MYO3A: variants seen among roughly 807,000 people sequenced by gnomAD.
MYO3A encodes the protein myosin IIIA.
A neutral mutation model predicts 192.7 loss-of-function variants in MYO3A; 180 were observed. That is an observed-to-expected ratio of 0.93 (90% CI 0.83 to 1.06). MYO3A has a LOEUF of 1.06. Among genes scored for constraint, MYO3A ranks in the 50% least tolerant of loss-of-function variants. The probability of loss-of-function intolerance (pLI) is 0.00; values close to 1 mark genes in which losing one functional copy is unlikely to be tolerated. For missense variants in MYO3A, 1,896 were observed against 1,905.0 expected (o/e 1.00, Z 0.09); for synonymous variants, 628 against 645.3 (o/e 0.97, Z 0.41).
intron 2 of MYO3A, among the ~76,000 whole-genome samples, chr10:25,937,874 G>T (rs1191770288): frequency 2.0e-5 from 3 of 152,180 alleles, no homozygotes; most frequent in Non-Finnish European, 4.4e-5. Flanking sequence ...ACTGGACAAG[G>T]TCTGTTTTAA....
intron 14 of MYO3A, among the ~76,000 whole-genome samples, chr10:26,073,575 A>G (rs1171907431): frequency 2.3e-5 from 1 of 43,474 alleles, no homozygotes; most frequent in Non-Finnish European, 7.3e-5. Context: ...CCTGGGCAAC[A>G]GTGCAAGATT....
At chr10:26,161,138 T>G (rs1841468756) in intron 26 of MYO3A, among the ~76,000 whole-genome samples, 1 of 152,200 alleles carries the variant, frequency 6.6e-6, no homozygotes, top group Non-Finnish European at 1.5e-5. Flanking sequence ...GCTAAACCTT[T>G]TCTGTGTCAC....
At chr10:26,023,606 C>T (rs1266288995) in intron 8 of MYO3A, 1 of 216,332 alleles carries the variant, frequency 4.6e-6, no homozygotes, top group South Asian at 7.8e-5. Context: ...GACTCCCTGG[C>T]ACACCTTCCT....
At chr10:26,023,249 T>C (rs989302376) in intron 8 of MYO3A, 3 of 152,248 alleles carry the variant, frequency 2.0e-5, no homozygotes, top group Middle Eastern at 3.2e-3. Context: ...TAAGGAGTAA[T>C]GCAGAACTGA....
In MYO3A at chr10:26,024,028, A is replaced by AC; in HGVS notation, c.743dup (p.Leu250ThrfsTer5). ...TTGATTCTTATTTTTCTAGGAATCC[A>AC]CCCCCAAAACTAAGGCAGCCTGAGC... On this transcript the variant is annotated frameshift_variant, in exon 9 of 35. Coordinates refer to ENST00000642920, the MANE Select transcript of MYO3A (RefSeq NM_017433.5). LOFTEE classifies it high-confidence loss of function. 1 of 1,612,746 alleles carries AC rather than the reference A, an allele frequency of 6.2e-7. No homozygotes were observed.
intron 17 of MYO3A, among the ~76,000 whole-genome samples, chr10:26,110,488 C>A (rs922226135): frequency 6.6e-6 from 1 of 152,076 alleles, no homozygotes; most frequent in Non-Finnish European, 1.5e-5. Context: ...AATCTCATTC[C>A]CCCATCTCCC....
chr10:26,165,337 A>G (rs1397031682), intron 26 of MYO3A, among the ~76,000 whole-genome samples: 1 of 152,210 alleles, frequency 6.6e-6, no homozygotes, highest in African/African-American at 2.4e-5. Context: ...TCTTGCACCA[A>G]TAAATTAAAA....
In MYO3A at chr10:26,150,420, T is replaced by C. The variant is rs368492615; in HGVS notation, c.2635+2861T>C. 2.0e-5 allele frequency among the ~76,000 whole-genome samples: 3 copies of C among 152,320 alleles called. No individual in the cohort carries two copies. In the East Asian group the frequency reaches 5.8e-4, roughly 29 times the overall value. On this transcript the variant is annotated intron_variant, in intron 23 of 34. Transcript: ENST00000642920. Reference sequence around the variant, plus strand: ...GAATGAGTATTATTTCTTCCTAAGTTGCTTTGTAGAATTCACCAATGAAGC... The same window carrying C: ...GAATGAGTATTATTTCTTCCTAAGTCGCTTTGTAGAATTCACCAATGAAGC...
chr10:25,976,291 G>T (rs908178449), intron 4 of MYO3A, among the ~76,000 whole-genome samples: 3 of 152,144 alleles, frequency 2.0e-5, no homozygotes, highest in African/African-American at 7.2e-5. Flanking sequence ...CATGAATATT[G>T]ATAGCACTTT....
chr10:25,992,950 G>A (rs140476332), intron 4 of MYO3A, among the ~76,000 whole-genome samples: 2,761 of 152,244 alleles, frequency 0.018, 94 homozygotes, highest in African/African-American at 0.063. Flanking sequence ...GTTCATCAGG[G>A]ATATTGGTCT....
chr10:26,054,107 G>A (rs1268337899), intron 10 of MYO3A, among the ~76,000 whole-genome samples: 1 of 151,892 alleles, frequency 6.6e-6, no homozygotes, highest in Admixed American at 6.6e-5. Flanking sequence ...GCAATGGGGT[G>A]GGTGTGGGAT....
intron 4 of MYO3A, among the ~76,000 whole-genome samples, chr10:25,980,676 C>T (rs538008427): frequency 2.0e-5 from 3 of 152,000 alleles, no homozygotes; most frequent in Non-Finnish European, 4.4e-5. Flanking sequence ...TATTTCAGGT[C>T]CTTTTTGTAT....
intron 6 of MYO3A, among the ~76,000 whole-genome samples, chr10:26,014,161 C>A: frequency 6.6e-6 from 1 of 151,988 alleles, no homozygotes; most frequent in Non-Finnish European, 1.5e-5. Context: ...AAAAAAACTA[C>A]CTCTTAGGTA....
At chr10:26,035,734 A>G (rs576993019) in intron 10 of MYO3A, among the ~76,000 whole-genome samples, 1 of 152,176 alleles carries the variant, frequency 6.6e-6, no homozygotes, top group African/African-American at 2.4e-5. Flanking sequence ...CTCTTTTACT[A>G]ATTTCTCTTT....
intron 17 of MYO3A, among the ~76,000 whole-genome samples, chr10:26,098,220 G>T (rs192795559): frequency 6.6e-6 from 1 of 152,170 alleles, no homozygotes; most frequent in Non-Finnish European, 1.5e-5. Context: ...GTCTTGAGAA[G>T]TGTCTGTTCA....
At chr10:26,209,690 T>G (rs1844132884) in intron 34 of MYO3A, among the ~76,000 whole-genome samples, 1 of 152,226 alleles carries the variant, frequency 6.6e-6, no homozygotes, top group Non-Finnish European at 1.5e-5. Context: ...GGCTGCTCTT[T>G]CTCATTCTCC....
chr10:25,939,268 CT>C (rs1457309579), intron 2 of MYO3A, among the ~76,000 whole-genome samples: 3 of 151,790 alleles, frequency 2.0e-5, no homozygotes, highest in African/African-American at 7.2e-5. Context: ...CTTGATCAAT[CT>C]TGACAAGGAT....
At chr10:26,140,511 C>G (rs1050252144) in intron 20 of MYO3A, among the ~76,000 whole-genome samples, 2 of 151,996 alleles carry the variant, frequency 1.3e-5, no homozygotes, top group Non-Finnish European at 2.9e-5. Flanking sequence ...TGGTGAAACC[C>G]CGTCTCTACT....
chr10:25,982,363 T>C (rs1271018101), intron 4 of MYO3A, among the ~76,000 whole-genome samples: 3 of 152,166 alleles, frequency 2.0e-5, no homozygotes, highest in Non-Finnish European at 4.4e-5. Flanking sequence ...GGAAGCTCTA[T>C]GGCCCTGCTC....
Sources: gnomAD v4.1 joint callset for allele counts (sites outside exome capture counted in the v4.1 genomes callset) on GRCh38, gnomAD v4.1.1 for gene constraint, MANE v1.5 for transcripts, NCBI Gene and HGNC (gene_info 2026-07-23, HGNC 2026-07-21) for gene names.